The following PLCB1 variants were observed in gnomAD, a reference collection of about 807,000 sequenced individuals.
PLCB1 encodes 1-phosphatidylinositol 4,5-bisphosphate phosphodiesterase beta-1.
Under a neutral mutation model 161.8 loss-of-function variants are expected in PLCB1, and 46 were observed. The ratio of observed to expected loss-of-function variants is 0.28; its 90% CI spans 0.22 to 0.36. PLCB1 has a LOEUF of 0.36. Among genes scored for constraint, PLCB1 ranks in the 10% least tolerant of loss-of-function variants. The pLI is 1.00. For missense variants in PLCB1, 1,016 were observed against 1,472.5 expected (o/e 0.69, Z 5.07); for synonymous variants, 517 against 503.7 (o/e 1.03, Z -0.35).
chr20:8,441,588 G>A (rs1157408110), intron 3 of PLCB1, among the ~76,000 whole-genome samples: 1 of 152,064 alleles, frequency 6.6e-6, no homozygotes, highest in African/African-American at 2.4e-5. Flanking sequence ...AAATACAGAC[G>A]GTTTTGCATG....
intron 18 of PLCB1, among the ~76,000 whole-genome samples, chr20:8,731,810 A>G (rs1208913863): frequency 6.6e-6 from 1 of 152,058 alleles, no homozygotes; most frequent in East Asian, 1.9e-4. Flanking sequence ...TTCAAGTGTC[A>G]TAAATTCATT....
intron 3 of PLCB1, among the ~76,000 whole-genome samples, chr20:8,399,952 T>C (rs1343986077): frequency 6.6e-6 from 1 of 152,218 alleles, no homozygotes; most frequent in East Asian, 1.9e-4. Context: ...GCTCATTTTA[T>C]GTAAAAATAA....
intron 2 of PLCB1, among the ~76,000 whole-genome samples, chr20:8,262,606 C>A (rs62195866): frequency 6.6e-6 from 1 of 152,052 alleles, no homozygotes; most frequent in Non-Finnish European, 1.5e-5. Context: ...ATATGAATAC[C>A]CAGCTTCATT....
At chr20:8,560,788 T>C (rs1986116684) in intron 3 of PLCB1, among the ~76,000 whole-genome samples, 1 of 152,022 alleles carries the variant, frequency 6.6e-6, no homozygotes, top group South Asian at 2.1e-4. Context: ...TTTGACCATA[T>C]GTGTGTATTT....
chr20:8,510,552 AT>A (rs896107164), intron 3 of PLCB1, among the ~76,000 whole-genome samples: 10 of 148,520 alleles, frequency 6.7e-5, no homozygotes, highest in African/African-American at 7.4e-5. Flanking sequence ...CGCCCAGCTA[AT>A]TTTTTTTTTG....
intron 31 of PLCB1, among the ~76,000 whole-genome samples, chr20:8,849,863 A>C (rs1391988630): frequency 6.6e-6 from 1 of 151,200 alleles, no homozygotes; most frequent in Non-Finnish European, 1.5e-5. Flanking sequence ...AAATACAAAA[A>C]TTAGCTGGGC....
chr20:8,528,010 T>C (rs1984651056), intron 3 of PLCB1, among the ~76,000 whole-genome samples: 3 of 151,980 alleles, frequency 2.0e-5, no homozygotes, highest in Non-Finnish European at 4.4e-5. Flanking sequence ...GAAAACAATA[T>C]AAAATAAATG....
chr20:8,345,842 A>G (rs1341653121), intron 2 of PLCB1, among the ~76,000 whole-genome samples: 1 of 152,134 alleles, frequency 6.6e-6, no homozygotes, highest in Non-Finnish European at 1.5e-5. Flanking sequence ...TGAAAACTAC[A>G]TTCTTTTAAT....
chr20:8,459,583 C>T (rs1285426811), intron 3 of PLCB1, among the ~76,000 whole-genome samples: 4 of 152,132 alleles, frequency 2.6e-5, no homozygotes, highest in Non-Finnish European at 5.9e-5. Context: ...GTATAAAAAG[C>T]ATGTGAGGTC....
chr20:8,835,989 C>T (rs1285801194), intron 31 of PLCB1, among the ~76,000 whole-genome samples: 3 of 152,062 alleles, frequency 2.0e-5, no homozygotes, highest in Non-Finnish European at 4.4e-5. Context: ...CTGTGTTCAG[C>T]TAGCAGATCA....
intron 19 of PLCB1, among the ~76,000 whole-genome samples, chr20:8,735,576 C>T (rs1001981337): frequency 2.0e-5 from 3 of 152,202 alleles, no homozygotes; most frequent in African/African-American, 7.2e-5. Flanking sequence ...ACATGATGTT[C>T]TACCGTCCTA....
At chr20:8,310,584 C>A (rs914015434) in intron 2 of PLCB1, among the ~76,000 whole-genome samples, 6 of 152,120 alleles carry the variant, frequency 3.9e-5, no homozygotes, top group African/African-American at 9.7e-5. Flanking sequence ...CATTAATCAT[C>A]ATTTATCTTT....
At position 8,788,676 on chromosome 20, in the gene PLCB1, G is replaced by C; in HGVS notation, c.3232G>C (p.Glu1078Gln). The change falls in exon 29 of 32, where the codon GAG becomes CAG. Residue 1078 changes from glutamate (E) to glutamine (Q), a missense_variant. Coordinates refer to ENST00000338037, the MANE Select transcript of PLCB1 (RefSeq NM_015192.4). Reference protein sequence around the residue: ...LKKKMDKKRQEKITEAKSKDK... With the variant: ...LKKKMDKKRQQKITEAKSKDK... ...GAAGAAAATGGATAAAAAGAGGCAG[G>C]AGAAGATAACAGAAGCTAAATCCAA... 1 of 1,611,986 alleles carries C rather than the reference G, an allele frequency of 6.2e-7. No individual in the cohort carries two copies. The highest frequency in any genetic ancestry group is 1.1e-5 in the South Asian group (1 of 90,504).
intron 31 of PLCB1, among the ~76,000 whole-genome samples, chr20:8,838,648 G>A (rs11698557): frequency 2.0e-3 from 299 of 151,818 alleles, no homozygotes; most frequent in African/African-American, 6.9e-3. Flanking sequence ...ATTCGTAAAC[G>A]AAAAGCAGTA....
chr20:8,638,044 C>T (rs992757932), intron 4 of PLCB1, among the ~76,000 whole-genome samples: 2 of 152,196 alleles, frequency 1.3e-5, no homozygotes, highest in African/African-American at 2.4e-5. Context: ...TACAGGCACC[C>T]GCCACCATGC....
At chr20:8,424,142 C>T (rs768770746) in intron 3 of PLCB1, among the ~76,000 whole-genome samples, 7 of 152,232 alleles carry the variant, frequency 4.6e-5, no homozygotes, top group Non-Finnish European at 1.0e-4. Flanking sequence ...CACAGAAACA[C>T]TCCCACACCC....
At chr20:8,840,930 C>T (rs6140748) in intron 31 of PLCB1, among the ~76,000 whole-genome samples, 48,692 of 151,988 alleles carry the variant, frequency 0.32, 8,795 homozygotes, top group East Asian at 0.63. Context: ...GATTCTCCTG[C>T]CTCAGCCTCC....
chr20:8,667,460 T>G (rs1989841666), intron 9 of PLCB1, among the ~76,000 whole-genome samples: 1 of 152,246 alleles, frequency 6.6e-6, no homozygotes, highest in Non-Finnish European at 1.5e-5. Context: ...TTGGTTGACT[T>G]GGCAACTCCC....
intron 2 of PLCB1, among the ~76,000 whole-genome samples, chr20:8,166,646 C>G (rs2051678513): frequency 6.6e-6 from 1 of 152,132 alleles, no homozygotes; most frequent in Non-Finnish European, 1.5e-5. Flanking sequence ...AAATCCTGAC[C>G]TGGTCCTGGT....
Sources: gnomAD v4.1 joint callset for allele counts (sites outside exome capture counted in the v4.1 genomes callset) on GRCh38, gnomAD v4.1.1 for gene constraint, MANE v1.5 for transcripts, NCBI Gene and HGNC (gene_info 2026-07-23, HGNC 2026-07-21) for gene names.